HSPH1: variants seen among roughly 807,000 people sequenced by gnomAD.
HSPH1 encodes the protein heat shock protein family H (Hsp110) member 1, also known as heat shock protein 105 kDa.
HSPH1 carries 40 observed loss-of-function variants against 100.0 expected under a neutral mutation model. The ratio of observed to expected loss-of-function variants is 0.40; its 90% confidence interval spans 0.31 to 0.52. The LOEUF is 0.52. Ranked by LOEUF, HSPH1 falls within the 20% of genes least tolerant of loss-of-function variation. The pLI is 0.54. For synonymous variants in HSPH1, 403 were observed against 344.0 expected (o/e 1.17, Z -1.90); for missense variants, 876 against 1,015.1 (o/e 0.86, Z 1.86).
chr13:31,154,657 T>G lies in HSPH1; in HGVS notation c.405A>C (p.Lys135Asn). Residue 135 changes from lysine to asparagine, a missense_variant, in exon 4 of 18, where the codon AAA becomes AAC. Transcript: ENST00000320027. ...CTGAAATAACACAATCTGTTACTGG[T>G]TTCTTGAGGCTGTTTTCAGCAGTTT... is the stretch of plus-strand genomic sequence containing the variant. ...LKETAENSLK[K>N]PVTDCVISVP... 1 of 1,614,098 alleles carries G rather than the reference T, an allele frequency of 6.2e-7. No homozygotes were observed. Among genetic ancestry groups the G allele is most frequent in the Non-Finnish European group, 8.5e-7 (1 of 1,179,982 alleles).
Position 31,136,698 on chromosome 13 carries a change from C to T in HSPH1, c.*620G>A, listed in dbSNP as rs941161734. 7 of 153,232 alleles carry T rather than the reference C, an allele frequency of 4.6e-5. No homozygotes were observed. Among genetic ancestry groups the T allele is most frequent in the African/African-American group, 1.7e-4 (7 of 41,434 alleles). 9.5% of individuals were successfully genotyped at this position (153,232 alleles called of 1,614,324 possible). On this transcript the variant is annotated 3_prime_UTR_variant, in exon 18 of 18. Coordinates refer to ENST00000320027, the MANE Select transcript of HSPH1 (RefSeq NM_006644.4). ...TGTTCACAATCAGTTACAACAGGAT[C>T]GACATTTCTTCCATTCCACACTTTC... is the stretch of plus-strand genomic sequence containing the variant.
Position 31,148,691 on chromosome 13 carries a change from A to G in HSPH1, c.1138-211T>C, listed in dbSNP as rs575849606. Among the ~76,000 whole-genome samples, 41 of 152,164 alleles carry G rather than the reference A, an allele frequency of 2.7e-4. 1 individual carries two copies. The highest frequency in any genetic ancestry group is 9.4e-4 in the African/African-American group (39 of 41,540). ...CAATTACTAGGTACAAAGACAAATA[A>G]TATATCTTAGGATAACGACAATTAA... On this transcript the variant is annotated intron_variant, in intron 8 of 17. Coordinates refer to ENST00000320027, the MANE Select transcript of HSPH1 (RefSeq NM_006644.4).
intron 11 of HSPH1, among the ~76,000 whole-genome samples, chr13:31,144,280 T>C (rs1956196584): frequency 6.6e-6 from 1 of 152,172 alleles, no homozygotes; most frequent in Admixed American, 6.6e-5. Flanking sequence ...GCCTCTTTCC[T>C]AGAAACAAGC....
chr13:31,152,776 AT>A, intron 5 of HSPH1, 75 bp downstream of exon 5: 1 of 1,011,550 alleles, frequency 9.9e-7, no homozygotes, highest in Non-Finnish European at 1.6e-6. Flanking sequence ...TTCTGTATCT[AT>A]AAGAAAGTAA....
At chr13:31,155,905 A>T (rs1939905427) in intron 2 of HSPH1, among the ~76,000 whole-genome samples, 1 of 152,222 alleles carries the variant, frequency 6.6e-6, no homozygotes, top group Admixed American at 6.5e-5. Context: ...GTGTGACGAC[A>T]GACTTTAAAG....
At chr13:31,159,915 G>A (rs144104626) in intron 1 of HSPH1, among the ~76,000 whole-genome samples, 255 of 152,240 alleles carry the variant, frequency 1.7e-3, no homozygotes, top group African/African-American at 5.5e-3. Context: ...TGTAAGCTCT[G>A]AATAACCATA....
intron 10 of HSPH1, among the ~76,000 whole-genome samples, chr13:31,146,619 T>C (rs1164598990): frequency 6.6e-6 from 1 of 152,184 alleles, no homozygotes; most frequent in Non-Finnish European, 1.5e-5. Context: ...AAGCCTGAAA[T>C]TATTATGTAC....
At chr13:31,155,402 G>C in intron 3 of HSPH1, 112 bp downstream of exon 3, 2 of 772,522 alleles carry the variant, frequency 2.6e-6, no homozygotes, top group Non-Finnish European at 4.0e-6. Context: ...AATAAAAAAA[G>C]AACAAAAAGA....
At position 31,151,024 on chromosome 13, in the gene HSPH1, C is replaced by G; in HGVS notation, c.831G>C (p.Met277Ile). ...YQECEKLKKL[M>I]SSNSTDLPLN... is the part of the protein sequence containing the mutation. ...GTGGAAGGTCTGTGCTGTTAGAGCT[C>G]ATTAGCTTTTTCAGTTTTTCACATT... The change falls in exon 7 of 18, where the codon ATG (methionine) becomes ATC (isoleucine). Residue 277 changes from methionine to isoleucine, a missense_variant. By Grantham distance (10) the Met-to-Ile change is conservative. Coordinates refer to ENST00000320027, the MANE Select transcript of HSPH1 (RefSeq NM_006644.4). The G allele has an allele frequency of 6.2e-7, 1 of 1,613,656 alleles. No individual in the cohort carries two copies. The highest frequency in any genetic ancestry group is 8.5e-7 in the Non-Finnish European group (1 of 1,179,710).
Position 31,143,897 on chromosome 13 carries a change from T to C in HSPH1, c.1611A>G (p.Glu537=). The stretch of plus-strand genomic sequence containing the variant: ...TTTGTACCTGGGGCTGTGTTCCAGC[T>C]TCACTGTTGTCTTGCTGGACATTTT... ...TDKNVQQDNS[E]AGTQPQVQTD... The change falls in exon 12 of 18, where the codon GAA becomes GAG. Residue 537 remains glutamate, a synonymous_variant. Coordinates refer to ENST00000320027, the MANE Select transcript of HSPH1 (RefSeq NM_006644.4). The C allele has an allele frequency of 6.2e-7, 1 of 1,607,182 alleles. No individual in the cohort carries two copies. Among genetic ancestry groups the C allele is most frequent in the South Asian group, 1.1e-5 (1 of 90,150 alleles).
Position 31,143,837 on chromosome 13 carries a change from T to A in HSPH1, c.1671A>T (p.Ser557=). 3.1e-6 allele frequency: 5 copies of A among 1,611,522 alleles called. No individual in the cohort carries two copies. The highest frequency in any genetic ancestry group is 4.2e-6 in the Non-Finnish European group (5 of 1,178,566). The change falls in exon 12 of 18, where the codon TCA becomes TCT. Residue 557 remains serine (S), a synonymous_variant. Coordinates refer to ENST00000320027, the MANE Select transcript of HSPH1 (RefSeq NM_006644.4). ...TGTTTTCTTCTGAGGTAAGTTCAGG[T>A]GAAGGGGGAGACTGTGAGGTTTGTT... is the stretch of plus-strand genomic sequence containing the variant. ...DAQQTSQSPP[S]PELTSEENKI...
In HSPH1 at chr13:31,150,151, G is replaced by T; in HGVS notation, c.940C>A (p.Leu314Met). 2 of 1,607,000 alleles carry T rather than the reference G, an allele frequency of 1.2e-6. No individual in the cohort carries two copies. Among genetic ancestry groups the T allele is most frequent in the Non-Finnish European group, 1.7e-6 (2 of 1,175,228 alleles). Residue 314 changes from leucine to methionine, a missense_variant, in exon 8 of 18, where the codon CTG becomes ATG. Physicochemically the swap from Leu to Met is conservative, Grantham distance 15 (BLOSUM62 2). Transcript: ENST00000320027. ...TAAAGGGGTACTTCTATCTTTTGCA[G>T]AAGTTCAGCACAGAGTTCTTCAAAT... ...SQFEELCAEL[L>M]QKIEVPLYSL... is the part of the protein sequence containing the mutation.
chr13:31,161,784 G>C lies in HSPH1; in HGVS notation c.-202C>G. The C allele has an allele frequency of 6.7e-7, 1 of 1,498,216 alleles. No homozygotes were observed. Among genetic ancestry groups the C allele is most frequent in the Non-Finnish European group, 8.9e-7 (1 of 1,124,772 alleles). 92.8% of individuals were successfully genotyped at this position (1,498,216 alleles called of 1,614,324 possible). On this transcript the variant is annotated 5_prime_UTR_variant, in exon 1 of 18. Transcript: ENST00000320027. Reference sequence around the variant, plus strand: ...TACTCCCCCGGGGACAGCGGCGGCTGGCTGATAAGAAACCCTGGGAGAAAG... The same window carrying C: ...TACTCCCCCGGGGACAGCGGCGGCTCGCTGATAAGAAACCCTGGGAGAAAG...
chr13:31,160,993 A>C (rs1956880813), intron 1 of HSPH1, among the ~76,000 whole-genome samples: 1 of 152,234 alleles, frequency 6.6e-6, no homozygotes, highest in Non-Finnish European at 1.5e-5. Flanking sequence ...AATGCGGAAG[A>C]AAAAGGCCGG....
intron 14 of HSPH1, among the ~76,000 whole-genome samples, chr13:31,139,853 T>C (rs1956025468): frequency 1.3e-5 from 2 of 152,026 alleles, no homozygotes; most frequent in South Asian, 4.1e-4. Context: ...ACAGGAACGC[T>C]ACCAAGGCAG....
chr13:31,154,538 A>G, intron 4 of HSPH1, 95 bp downstream of exon 4: 1 of 1,366,100 alleles, frequency 7.3e-7, no homozygotes, highest in Non-Finnish European at 1.0e-6. Flanking sequence ...GGTCTCTAGT[A>G]ACTAAAGAAC....
Position 31,148,403 on chromosome 13 carries a change from G to C in HSPH1, c.1215C>G (p.Ile405Met). The change falls in exon 9 of 18, where the codon ATC becomes ATG. Residue 405 changes from isoleucine (I) to methionine (M), a missense_variant. Ile to Met is a conservative substitution (Grantham distance 10, BLOSUM62 1). Transcript: ENST00000320027. ...TDAVPFPISLIWNHDSEDTEG... is the reference protein window; with the variant it reads ...TDAVPFPISLMWNHDSEDTEG... ...CAGTATCTTCTGAATCATGGTTCCA[G>C]ATCAGAGATATTGGAAAAGGAACTG... The C allele has an allele frequency of 1.3e-6, 2 of 1,576,336 alleles. No individual in the cohort carries two copies. Among genetic ancestry groups the C allele is most frequent in the South Asian group, 2.3e-5 (2 of 86,568 alleles).
At position 31,150,107 on chromosome 13, in the gene HSPH1, A is replaced by G. The variant is rs747525680; in HGVS notation, c.984T>C (p.Thr328=). Residue 328 remains threonine, a synonymous_variant, in exon 8 of 18, where the codon ACT becomes ACC. Transcript: ENST00000320027. ...CACTCACATCTTCTACTTTGAGATG[A>G]GTTTGTTCCAACAGTGAATAAAGGG... ...EVPLYSLLEQ[T]HLKVEDVSAV... 3 of 1,613,448 alleles carry G rather than the reference A, an allele frequency of 1.9e-6. No homozygotes were observed. The highest frequency in any genetic ancestry group is 1.7e-6 in the Non-Finnish European group (2 of 1,179,574).
intron 2 of HSPH1, among the ~76,000 whole-genome samples, chr13:31,156,246 C>T (rs1197445820): frequency 2.6e-5 from 4 of 151,990 alleles, no homozygotes; most frequent in East Asian, 3.9e-4. Context: ...AAAAATTAGC[C>T]GGGCGTGGTT....
Sources: gnomAD v4.1 joint callset for allele counts (sites outside exome capture counted in the v4.1 genomes callset) on GRCh38, gnomAD v4.1.1 for gene constraint, MANE v1.5 for transcripts, NCBI Gene and HGNC (gene_info 2026-07-23, HGNC 2026-07-21) for gene names.